Variants in HDAC9 observed in about 807,000 individuals in gnomAD.
HDAC9 encodes MEF-2 interacting transcription repressor (MITR) protein.
HDAC9 carries 41 observed loss-of-function variants against 139.4 expected under a neutral mutation model. That is an observed-to-expected ratio of 0.29 (90% CI 0.23 to 0.38). The LOEUF (loss-of-function observed/expected upper bound fraction) is 0.38, where lower values mean the gene tolerates loss of function less well. Among genes scored for constraint, HDAC9 ranks in the 10% least tolerant of loss-of-function variants. The pLI is 1.00. For missense variants in HDAC9, 1,147 were observed against 1,297.0 expected, an observed-to-expected ratio of 0.88 and a Z score of 1.78; for synonymous variants, 517 against 476.2, an observed-to-expected ratio of 1.09 and a Z score of -1.12.
At chr7:18,892,194 AGTC>A (rs1167323808) in intron 22 of HDAC9, 1 of 152,224 alleles carries the variant, frequency 6.6e-6, no homozygotes, top group Non-Finnish European at 1.5e-5. Context: ...TGATGTCTTC[AGTC>A]GTCATCTGGA....
At chr7:18,644,439 A>G (rs1786708351) in intron 8 of HDAC9, among the ~76,000 whole-genome samples, 1 of 152,146 alleles carries the variant, frequency 6.6e-6, no homozygotes, top group South Asian at 2.1e-4. Context: ...AATTTTATAA[A>G]TGAATTTGCA....
At chr7:18,632,078 A>T (rs1291420560) in intron 7 of HDAC9, among the ~76,000 whole-genome samples, 1 of 151,962 alleles carries the variant, frequency 6.6e-6, no homozygotes, top group African/African-American at 2.4e-5. Context: ...AATGATATGG[A>T]AATGAGACAT....
chr7:18,405,187 G>A (rs1787897200), intron 1 of HDAC9, among the ~76,000 whole-genome samples: 1 of 152,164 alleles, frequency 6.6e-6, no homozygotes, highest in African/African-American at 2.4e-5. Flanking sequence ...ATTATTTGAG[G>A]ACATGCTGTA....
chr7:18,382,889 G>A (rs1009891890), intron 1 of HDAC9, among the ~76,000 whole-genome samples: 2 of 152,154 alleles, frequency 1.3e-5, no homozygotes, highest in African/African-American at 4.8e-5. Context: ...GTGTATGAGT[G>A]TGTATGTATA....
At chr7:18,405,121 A>G (rs1787892079) in intron 1 of HDAC9, among the ~76,000 whole-genome samples, 1 of 152,226 alleles carries the variant, frequency 6.6e-6, no homozygotes, top group Admixed American at 6.5e-5. Flanking sequence ...CCATATAGAT[A>G]GTGGCCCCCG....
intron 1 of HDAC9, among the ~76,000 whole-genome samples, chr7:18,116,119 C>T (rs996120080): frequency 6.6e-6 from 1 of 152,250 alleles, no homozygotes; most frequent in Non-Finnish European, 1.5e-5. Flanking sequence ...ATCAAATTTG[C>T]TAGCAATTTT....
chr7:18,483,187 T>A (rs1262119402), intron 1 of HDAC9, among the ~76,000 whole-genome samples: 1 of 152,214 alleles, frequency 6.6e-6, no homozygotes. Flanking sequence ...GAAAGTCAAC[T>A]TTTGATTTCT....
At chr7:18,290,193 T>C, upstream of HDAC9, 1 of 250,560 alleles carries the variant, frequency 4.0e-6, no homozygotes, top group East Asian at 8.5e-5. Context: ...ATTAGGCTTC[T>C]TATTAATAGT....
intron 6 of HDAC9, among the ~76,000 whole-genome samples, chr7:18,606,589 C>G (rs1208822209): frequency 2.6e-5 from 4 of 152,122 alleles, no homozygotes; most frequent in African/African-American, 9.7e-5. Context: ...TTACTGTTTT[C>G]ATAACATTAA....
Position 18,591,551 on chromosome 7 carries a change from CAA to C in HDAC9, c.452_453del (p.Gln151ArgfsTer6). 1 of 1,609,388 alleles carries C rather than the reference CAA, an allele frequency of 6.2e-7. No homozygotes were observed. Among genetic ancestry groups the C allele is most frequent in the Non-Finnish European group, 8.5e-7 (1 of 1,178,040 alleles). ...VASTEVKQKL[Q>X]EFLLSKSATK... ...AAGTACAGAAGTAAAGCAGAAGCTTCAAGAGTTCCTACTGAGTAAATCAGCAA... is the reference window on the plus strand; with the variant it reads ...AAGTACAGAAGTAAAGCAGAAGCTTCGAGTTCCTACTGAGTAAATCAGCAA... On this transcript the variant is annotated frameshift_variant, in exon 5 of 26. Coordinates refer to ENST00000686413, the MANE Select transcript of HDAC9 (RefSeq NM_178425.4). LOFTEE classifies it high-confidence loss of function.
intron 2 of HDAC9, among the ~76,000 whole-genome samples, chr7:18,164,962 A>C (rs1460863000): frequency 6.6e-6 from 1 of 152,192 alleles, no homozygotes; most frequent in Non-Finnish European, 1.5e-5. Context: ...ATAGGGACAC[A>C]ACAAGCACTA....
rs938093615 is a variant in HDAC9, at chr7:18,211,885, G to T, written c.25+49536G>T. Among the ~76,000 whole-genome samples the T allele has an allele frequency of 2.6e-4, 39 of 152,170 alleles. 1 individual carries two copies. Among genetic ancestry groups the T allele is most frequent in the Non-Finnish European group, 8.8e-5 (6 of 68,030 alleles). On this transcript the variant is annotated intron_variant, in intron 2 of 12. Coordinates refer to the HDAC9 transcript ENST00000417496. ...ACTTAAGAGGGCGTCAGAAGTTCTG[G>T]AGGGAAGGGGAGAGTGGGAGTTTGA...
chr7:18,249,008 A>G (rs1411609126), intron 2 of HDAC9, among the ~76,000 whole-genome samples: 6 of 152,190 alleles, frequency 3.9e-5, no homozygotes. Context: ...CTGGCTTTTT[A>G]AGTCTTGAGT....
chr7:18,936,714 G>C (rs528969256), intron 23 of HDAC9, among the ~76,000 whole-genome samples: 1 of 152,088 alleles, frequency 6.6e-6, no homozygotes, highest in African/African-American at 2.4e-5. Flanking sequence ...TATGCATTTT[G>C]CCTTTCTTTT....
At chr7:18,307,762 C>T (rs1032395563) in intron 1 of HDAC9, among the ~76,000 whole-genome samples, 5 of 152,020 alleles carry the variant, frequency 3.3e-5, no homozygotes, top group Non-Finnish European at 5.9e-5. Flanking sequence ...AAAATTGTGC[C>T]GCTGCACTCC....
At chr7:18,505,985 C>T (rs773750303) in intron 2 of HDAC9, 7 of 152,096 alleles carry the variant, frequency 4.6e-5, no homozygotes, top group African/African-American at 7.2e-5. Flanking sequence ...GCTTGTTAGG[C>T]GTTATCATGC....
At chr7:18,632,641 G>A (rs1172386100) in intron 7 of HDAC9, among the ~76,000 whole-genome samples, 2 of 152,154 alleles carry the variant, frequency 1.3e-5, no homozygotes, top group Admixed American at 6.6e-5. Flanking sequence ...GGCAATGGTG[G>A]GAAATAATAT....
chr7:18,581,598 T>G (rs932232100), intron 2 of HDAC9, among the ~76,000 whole-genome samples: 1 of 152,170 alleles, frequency 6.6e-6, no homozygotes, highest in African/African-American at 2.4e-5. Context: ...CATTTTGTCT[T>G]TATAGGGTTA....
At chr7:18,291,776 C>G (rs1660567000) in intron 1 of HDAC9, among the ~76,000 whole-genome samples, 1 of 152,130 alleles carries the variant, frequency 6.6e-6, no homozygotes, top group South Asian at 2.1e-4. Context: ...CAAAAGTTAT[C>G]TGAGGTTGTC....
Sources: gnomAD v4.1 joint callset for allele counts (sites outside exome capture counted in the v4.1 genomes callset) on GRCh38, gnomAD v4.1.1 for gene constraint, MANE v1.5 for transcripts, NCBI Gene and HGNC (gene_info 2026-07-23, HGNC 2026-07-21) for gene names.